Variants in GLCCI1 observed in about 807,000 individuals in gnomAD.
The protein encoded by GLCCI1 is glucocorticoid induced 1, also known as glucocorticoid-induced transcript 1 protein.
In GLCCI1, 24 loss-of-function variants were observed where a neutral mutation model predicts 52.2. The observed-to-expected ratio is 0.46, with a 90% CI of 0.33 to 0.65. The LOEUF is 0.65. Among genes scored for constraint, GLCCI1 ranks in the 30% least tolerant of loss-of-function variants. The pLI is 0.02. For missense variants in GLCCI1, 704 were observed against 701.5 expected, an observed-to-expected ratio of 1.00 and a Z score of -0.04; for synonymous variants, 310 against 276.5, an observed-to-expected ratio of 1.12 and a Z score of -1.20.
intron 3 of GLCCI1, among the ~76,000 whole-genome samples, chr7:8,045,287 C>G (rs1782095412): frequency 6.6e-6 from 1 of 152,150 alleles, no homozygotes; most frequent in South Asian, 2.1e-4. Flanking sequence ...CTTACAGATG[C>G]ACCCACACTC....
rs1331948447 is a variant in GLCCI1, at chr7:7,991,383, C to G, written c.458-12525C>G. 3.9e-5 allele frequency among the ~76,000 whole-genome samples: 6 copies of G among 152,058 alleles called. 1 individual carries two copies. The highest frequency in any genetic ancestry group is 3.9e-4 in the Admixed American group (6 of 15,286). Reference sequence around the variant, plus strand: ...GTATTATATTTAGCTGTTCTTTATTCAAATAGGAAATAAGAATGCAGATAA... The same window carrying G: ...GTATTATATTTAGCTGTTCTTTATTGAAATAGGAAATAAGAATGCAGATAA... On this transcript the variant is annotated intron_variant, in intron 1 of 7. Coordinates refer to ENST00000223145, the MANE Select transcript of GLCCI1 (RefSeq NM_138426.4).
Position 8,071,047 on chromosome 7 carries a change from C to G in GLCCI1, c.1093C>G (p.Pro365Ala). The G allele has an allele frequency of 1.2e-6, 2 of 1,614,200 alleles. No homozygotes were observed. The highest frequency in any genetic ancestry group is 1.7e-6 in the Non-Finnish European group (2 of 1,180,018). ...CAGCAGTAGCTGCAGCAGTCATTCACCCTGTGTCTCCCCTTTTTGTCCCCC... is the reference window on the plus strand; with the variant it reads ...CAGCAGTAGCTGCAGCAGTCATTCAGCCTGTGTCTCCCCTTTTTGTCCCCC... ...ERSSSCSSHSPCVSPFCPPES... is the reference protein window; with the variant it reads ...ERSSSCSSHSACVSPFCPPES... Residue 365 changes from proline (P) to alanine (A), a missense_variant, in exon 6 of 8, where the codon CCC becomes GCC. This residue lies in a region of GLCCI1 where 547 missense variants were observed against 524.8 expected (regional missense o/e 1.04). Transcript: ENST00000223145.
chr7:7,987,094 C>G (rs1780752537), intron 1 of GLCCI1, among the ~76,000 whole-genome samples: 1 of 151,984 alleles, frequency 6.6e-6, no homozygotes, highest in Non-Finnish European at 1.5e-5. Context: ...ACAAAAAAAC[C>G]CCACAAAAAC....
chr7:8,022,975 G>T (rs1562431809), intron 3 of GLCCI1, among the ~76,000 whole-genome samples: 1 of 152,270 alleles, frequency 6.6e-6, no homozygotes, highest in East Asian at 1.9e-4. Flanking sequence ...CAGAGCTATA[G>T]GTTATAGCTT....
intron 1 of GLCCI1, among the ~76,000 whole-genome samples, chr7:7,988,371 C>T (rs1562418198): frequency 6.6e-6 from 1 of 152,116 alleles, no homozygotes; most frequent in African/African-American, 2.4e-5. Flanking sequence ...TACATACCAC[C>T]TTGCTTTGAC....
chr7:8,066,765 T>C (rs1313482094), intron 5 of GLCCI1, among the ~76,000 whole-genome samples: 1 of 152,076 alleles, frequency 6.6e-6, no homozygotes, highest in Non-Finnish European at 1.5e-5. Flanking sequence ...ATGATTTCAG[T>C]TTTTTTGAAT....
chr7:8,080,711 G>C (rs1584027437), intron 6 of GLCCI1, among the ~76,000 whole-genome samples: 1 of 146,850 alleles, frequency 6.8e-6, no homozygotes, highest in East Asian at 1.9e-4. Context: ...CTTAATTTTT[G>C]AATGGTTCAT....
intron 1 of GLCCI1, chr7:7,981,109 G>C: frequency 2.1e-6 from 1 of 466,378 alleles, no homozygotes; most frequent in Non-Finnish European, 4.2e-6. Context: ...TAAACCTCCG[G>C]AAAAATCTGT....
chr7:8,025,426 G>C (rs941304342), intron 3 of GLCCI1, among the ~76,000 whole-genome samples: 2 of 152,014 alleles, frequency 1.3e-5, no homozygotes, highest in African/African-American at 4.8e-5. Context: ...GTTAAAAAGG[G>C]CAATAACTAA....
At chr7:8,019,383 T>C (rs1391590628) in intron 2 of GLCCI1, among the ~76,000 whole-genome samples, 2 of 152,226 alleles carry the variant, frequency 1.3e-5, no homozygotes, top group South Asian at 2.1e-4. Flanking sequence ...AGAATATATT[T>C]GTAGATGAGA....
chr7:8,073,691 T>C (rs1782814850), intron 6 of GLCCI1, among the ~76,000 whole-genome samples: 1 of 152,170 alleles, frequency 6.6e-6, no homozygotes. Flanking sequence ...AAACAATTAG[T>C]GGTGATGAAT....
intron 2 of GLCCI1, among the ~76,000 whole-genome samples, chr7:8,004,893 T>G (rs993674867): frequency 6.6e-6 from 1 of 152,212 alleles, no homozygotes; most frequent in African/African-American, 2.4e-5. Context: ...GTCCGAAGAC[T>G]GAGGAAAAGA....
chr7:8,062,698 T>G (rs1782545758), intron 5 of GLCCI1, among the ~76,000 whole-genome samples: 1 of 152,220 alleles, frequency 6.6e-6, no homozygotes, highest in Admixed American at 6.5e-5. Context: ...AGTTTTCATT[T>G]GTAAGTGACA....
At chr7:8,041,204 C>G (rs1781991675) in intron 3 of GLCCI1, among the ~76,000 whole-genome samples, 2 of 152,136 alleles carry the variant, frequency 1.3e-5, no homozygotes, top group African/African-American at 2.4e-5. Context: ...GATAAAAGAT[C>G]AAACCAGCCA....
At chr7:8,068,961 G>A (rs543079635) in intron 5 of GLCCI1, among the ~76,000 whole-genome samples, 1 of 152,284 alleles carries the variant, frequency 6.6e-6, no homozygotes, top group South Asian at 2.1e-4. Context: ...AAGCGTAATG[G>A]CCAGTAGGTA....
chr7:7,990,778 G>A (rs1461680460), intron 1 of GLCCI1, among the ~76,000 whole-genome samples: 4 of 152,070 alleles, frequency 2.6e-5, no homozygotes, highest in Non-Finnish European at 4.4e-5. Flanking sequence ...ATTCTTTGGT[G>A]TCAATATATA....
At chr7:7,990,838 T>C (rs998111744) in intron 1 of GLCCI1, among the ~76,000 whole-genome samples, 2 of 152,146 alleles carry the variant, frequency 1.3e-5, no homozygotes, top group African/African-American at 4.8e-5. Context: ...TTCTGAAGCC[T>C]TCATTCTGTT....
intron 3 of GLCCI1, among the ~76,000 whole-genome samples, chr7:8,049,421 A>G (rs1413986491): frequency 6.6e-6 from 1 of 152,186 alleles, no homozygotes; most frequent in Non-Finnish European, 1.5e-5. Flanking sequence ...TTTGAAATCA[A>G]AGGAATTATG....
At chr7:8,072,268 T>A (rs1340802966) in intron 6 of GLCCI1, among the ~76,000 whole-genome samples, 1 of 152,234 alleles carries the variant, frequency 6.6e-6, no homozygotes, top group Non-Finnish European at 1.5e-5. Context: ...CTTTTACTTA[T>A]CATTATACCT....
Sources: allele counts gnomAD v4.1 joint callset (sites outside exome capture counted in the v4.1 genomes callset), GRCh38; gene constraint gnomAD v4.1.1; regional missense constraint gnomAD v4.1.1; transcripts MANE v1.5; gene names NCBI Gene and HGNC (gene_info 2026-07-23, HGNC 2026-07-21).